UBE2F: variants seen among roughly 807,000 people sequenced by gnomAD.
UBE2F encodes ubiquitin conjugating enzyme E2 F (putative).
A neutral mutation model predicts 29.6 loss-of-function variants in UBE2F; 5 were observed. The ratio of observed to expected loss-of-function variants is 0.17; its 90% CI spans 0.09 to 0.36. UBE2F has a LOEUF of 0.36. Among genes scored for constraint, UBE2F ranks in the 10% least tolerant of loss-of-function variants. The probability of loss-of-function intolerance (pLI) is 1.00; values close to 1 mark genes in which losing one functional copy is unlikely to be tolerated. For synonymous variants in UBE2F, 66 were observed against 81.8 expected, an observed-to-expected ratio of 0.81 and a Z score of 1.04; for missense variants, 141 against 228.5, an observed-to-expected ratio of 0.62 and a Z score of 2.47.
intron 5 of UBE2F, among the ~76,000 whole-genome samples, chr2:238,021,802 G>A (rs2064300688): frequency 6.6e-6 from 1 of 152,172 alleles, no homozygotes; most frequent in Non-Finnish European, 1.5e-5. Flanking sequence ...TTGACCATGT[G>A]AAAACAGTCC....
chr2:237,990,221 G>C (rs80351960), intron 3 of UBE2F, among the ~76,000 whole-genome samples: 4,677 of 150,128 alleles, frequency 0.031, 90 homozygotes, highest in Non-Finnish European at 0.043. Flanking sequence ...AAATAACTGT[G>C]GGGGGGCAGG....
chr2:238,015,896 T>G (rs933272409), intron 4 of UBE2F, among the ~76,000 whole-genome samples: 1 of 151,902 alleles, frequency 6.6e-6, no homozygotes, highest in Non-Finnish European at 1.5e-5. Context: ...CCCTGTGGGG[T>G]CTACAGGGTG....
In UBE2F at chr2:238,003,802, A is replaced by G. The variant is rs146027343; in HGVS notation, c.214+8993A>G. On this transcript the variant is annotated intron_variant, in intron 4 of 9. Coordinates refer to ENST00000272930, the MANE Select transcript of UBE2F (RefSeq NM_080678.3). Reference sequence around the variant, plus strand: ...TACATACAGTAAGTTTGCCATTCTTAGATAGACAGCTCTCTGCCTTTTGAC... The same window carrying G: ...TACATACAGTAAGTTTGCCATTCTTGGATAGACAGCTCTCTGCCTTTTGAC... Among the ~76,000 whole-genome samples, 536 of 152,272 alleles carry G rather than the reference A, an allele frequency of 3.5e-3. 1 individual carries two copies. Among genetic ancestry groups the G allele is most frequent in the Non-Finnish European group, 6.0e-3 (409 of 68,032 alleles).
rs569745580 is a variant in UBE2F at position 237,991,497 on chromosome 2, G to A, written c.149-3247G>A. 2.7e-5 allele frequency among the ~76,000 whole-genome samples: 4 copies of A among 150,654 alleles called. No individual in the cohort carries two copies. In the South Asian group the frequency reaches 6.3e-4, roughly 24 times the overall value. On this transcript the variant is annotated intron_variant, in intron 3 of 9. Transcript: ENST00000272930. The stretch of plus-strand genomic sequence containing the variant: ...CTGAAATATTAGAGGCTCAGATAGT[G>A]CATGCCTACATGTAGATAAAAAGCT...
At chr2:237,992,768 G>A (rs536670488) in intron 3 of UBE2F, among the ~76,000 whole-genome samples, 89 of 152,248 alleles carry the variant, frequency 5.8e-4, no homozygotes, top group African/African-American at 2.0e-3. Context: ...TCCTAATTGA[G>A]GACGTTGGAC....
chr2:238,003,849 C>T (rs372879940), intron 4 of UBE2F, among the ~76,000 whole-genome samples: 30 of 152,290 alleles, frequency 2.0e-4, no homozygotes, highest in African/African-American at 6.5e-4. Flanking sequence ...CTCACATAAC[C>T]ACCACTGCAA....
chr2:238,026,627 G>A (rs1172254418), intron 6 of UBE2F, among the ~76,000 whole-genome samples: 1 of 152,154 alleles, frequency 6.6e-6, no homozygotes, highest in African/African-American at 2.4e-5. Flanking sequence ...TAGAGACTGG[G>A]TTTCACTGTG....
chr2:238,019,867 C>G (rs2064252139), intron 5 of UBE2F, among the ~76,000 whole-genome samples: 1 of 151,724 alleles, frequency 6.6e-6, no homozygotes, highest in Non-Finnish European at 1.5e-5. Context: ...ACCATGTTGG[C>G]CGGGTTGGTC....
At chr2:238,016,714 C>T (rs2064161633) in intron 5 of UBE2F, 81 bp downstream of exon 5, 3 of 1,181,034 alleles carry the variant, frequency 2.5e-6, no homozygotes, top group Non-Finnish European at 2.5e-6. Flanking sequence ...GGCACAGGGC[C>T]CTAGCACTCC....
intron 3 of UBE2F, among the ~76,000 whole-genome samples, chr2:237,988,719 T>C (rs2063528936): frequency 6.6e-6 from 1 of 152,138 alleles, no homozygotes; most frequent in Non-Finnish European, 1.5e-5. Flanking sequence ...CTCTTCCAGA[T>C]GCATTCTGTC....
At chr2:238,019,252 A>G (rs2064235720) in intron 5 of UBE2F, among the ~76,000 whole-genome samples, 1 of 152,194 alleles carries the variant, frequency 6.6e-6, no homozygotes, top group Admixed American at 6.5e-5. Context: ...AGATTTCATC[A>G]GGAATAAAAC....
chr2:237,983,568 C>G (rs1367659598), intron 2 of UBE2F, among the ~76,000 whole-genome samples: 1 of 152,156 alleles, frequency 6.6e-6, no homozygotes, highest in African/African-American at 2.4e-5. Flanking sequence ...CTCAGCTAGC[C>G]TTTTCATTCC....
At chr2:238,036,517 A>T (rs991229933) in intron 9 of UBE2F, among the ~76,000 whole-genome samples, 2 of 151,996 alleles carry the variant, frequency 1.3e-5, no homozygotes, top group African/African-American at 2.4e-5. Flanking sequence ...TCCTAGTAGA[A>T]TTTAGTATGA....
intron 2 of UBE2F, among the ~76,000 whole-genome samples, chr2:237,985,218 C>G (rs984816622): frequency 6.6e-5 from 10 of 152,072 alleles, no homozygotes; most frequent in Admixed American, 2.0e-4. Context: ...TATAGTTTAC[C>G]TTTTTTAAAA....
At chr2:238,014,828 A>G (rs897159887) in intron 4 of UBE2F, among the ~76,000 whole-genome samples, 1 of 152,250 alleles carries the variant, frequency 6.6e-6, no homozygotes, top group South Asian at 2.1e-4. Context: ...TACTCTGAGT[A>G]TTTTATATCT....
chr2:238,038,413 T>C (rs2064767762), intron 9 of UBE2F, among the ~76,000 whole-genome samples: 1 of 152,204 alleles, frequency 6.6e-6, no homozygotes, highest in African/African-American at 2.4e-5. Flanking sequence ...TGGTAAAGCC[T>C]TGGGCTTGGT....
chr2:237,987,936 T>G (rs895254882), intron 2 of UBE2F, 27 bp from the exon 3 acceptor site: 4 of 1,346,834 alleles, frequency 3.0e-6, no homozygotes, highest in Non-Finnish European at 4.1e-6. Context: ...TTGACTAATA[T>G]TAATAATAAT....
intron 2 of UBE2F, chr2:237,973,716 T>C (rs527475521): frequency 7.8e-7 from 1 of 1,286,858 alleles, no homozygotes. Context: ...TATAGTGTTC[T>C]AGAGTTTTCG....
intron 6 of UBE2F, among the ~76,000 whole-genome samples, chr2:238,029,461 G>A (rs1354395247): frequency 6.6e-6 from 1 of 152,066 alleles, no homozygotes; most frequent in African/African-American, 2.4e-5. Flanking sequence ...GGCGTAGGTG[G>A]TGCATGCCTT....
Sources: gnomAD v4.1 joint callset for allele counts (sites outside exome capture counted in the v4.1 genomes callset) on GRCh38, gnomAD v4.1.1 for gene constraint, MANE v1.5 for transcripts, NCBI Gene and HGNC (gene_info 2026-07-23, HGNC 2026-07-21) for gene names.